The following KCNQ2 variants were observed in gnomAD, a reference collection of about 807,000 sequenced individuals.
KCNQ2 encodes the protein potassium voltage-gated channel subfamily KQT member 2.
KCNQ2 carries 14 observed loss-of-function variants against 84.8 expected under a neutral mutation model. The ratio of observed to expected loss-of-function variants is 0.17; its 90% CI spans 0.11 to 0.26. KCNQ2 has a LOEUF of 0.26. Among genes scored for constraint, KCNQ2 ranks in the 10% least tolerant of loss-of-function variants. The pLI is 1.00. For missense variants in KCNQ2, 788 were observed against 1,254.0 expected, an observed-to-expected ratio of 0.63 and a Z score of 5.61; for synonymous variants, 599 against 554.1, an observed-to-expected ratio of 1.08 and a Z score of -1.14.
chr20:63,429,090 C>A (rs1440680894), intron 9 of KCNQ2, among the ~76,000 whole-genome samples: 1 of 151,896 alleles, frequency 6.6e-6, no homozygotes, highest in Non-Finnish European at 1.5e-5. Flanking sequence ...GGACCAAGTC[C>A]GGGCCCGCCG....
chr20:63,465,311 C>T (rs2082052350), intron 1 of KCNQ2, among the ~76,000 whole-genome samples: 1 of 152,272 alleles, frequency 6.6e-6, no homozygotes, highest in Non-Finnish European at 1.5e-5. Context: ...CTCCCTCCTC[C>T]AGCTCTGTGG....
intron 15 of KCNQ2, chr20:63,412,070 A>C: frequency 1.8e-6 from 1 of 556,460 alleles, no homozygotes; most frequent in African/African-American, 2.0e-5. Context: ...CCCGTGTTTC[A>C]AGCAAAGCTT....
At chr20:63,433,594 G>C in intron 8 of KCNQ2, 1 of 857,334 alleles carries the variant, frequency 1.2e-6, no homozygotes, top group Non-Finnish European at 1.8e-6. Flanking sequence ...AAAGCAAAGG[G>C]GTGAGGAAAT....
chr20:63,423,958 C>T (rs2080551510), intron 11 of KCNQ2: 1 of 616,418 alleles, frequency 1.6e-6, no homozygotes, highest in South Asian at 2.0e-5. Flanking sequence ...CACAGTGCTG[C>T]AAAGTAAAAC....
Position 63,433,829 on chromosome 20 carries a change from C to T in KCNQ2, c.1098G>A (p.Thr366=), listed in dbSNP as rs758961686. Residue 366 remains threonine, a synonymous_variant, in exon 8 of 17, where the codon ACG becomes ACA. Transcript: ENST00000359125. The stretch of plus-strand genomic sequence containing the variant: ...GGTACCTGTACATGGGCACGGTGAC[C>T]GTTCGCTCGTAGTACTGCCACGTGG... The part of the protein sequence containing the change: ...LHSTWQYYER[T]VTVPMYSSQT... 19 of 1,613,828 alleles carry T rather than the reference C, an allele frequency of 1.2e-5. No individual in the cohort carries two copies. In the Admixed American group the frequency reaches 1.7e-4, roughly 14 times the overall value.
chr20:63,443,349 C>CATCATCACCACCATCACCAT (rs2081302979), intron 4 of KCNQ2, among the ~76,000 whole-genome samples: 5 of 24,184 alleles, frequency 2.1e-4, no homozygotes, highest in Admixed American at 4.1e-4. Context: ...ACCATCACCA[C>CATCATCACCACCATCACCAT]CACCACCACC....
intron 11 of KCNQ2, 50 bp from the exon 12 acceptor site, chr20:63,419,722 G>A (rs370863144): frequency 2.0e-4 from 300 of 1,536,500 alleles, no homozygotes; most frequent in Non-Finnish European, 2.6e-4. Flanking sequence ...AACAGCACAC[G>A]GCCGGGAGCA....
intron 12 of KCNQ2, among the ~76,000 whole-genome samples, chr20:63,417,469 G>A (rs1251648546): frequency 6.6e-6 from 1 of 152,250 alleles, no homozygotes; most frequent in African/African-American, 2.4e-5. Flanking sequence ...ACGGCAGCTG[G>A]CAAAGCACCG....
At chr20:63,410,933 C>T (rs2080102401) in intron 15 of KCNQ2, 2 of 444,204 alleles carry the variant, frequency 4.5e-6, no homozygotes, top group Non-Finnish European at 9.1e-6. Flanking sequence ...ATCAGACTTG[C>T]CAGAAGACAG....
At chr20:63,439,561 G>A (rs113859927) in intron 6 of KCNQ2, 37 bp downstream of exon 6, 13 of 1,485,922 alleles carry the variant, frequency 8.7e-6, no homozygotes, top group African/African-American at 6.9e-5. Flanking sequence ...ACAAGACCTC[G>A]TCCCCCTCCA....
rs867571468 is a variant in KCNQ2, at chr20:63,442,743, T to C, written c.691-212A>G. Among the ~76,000 whole-genome samples, 693 of 36,014 alleles carry C rather than the reference T, an allele frequency of 0.019. 33 individuals carry two copies. The highest frequency in any genetic ancestry group is 0.14 in the East Asian group (74 of 512). 23.6% of individuals were successfully genotyped at this position (36,014 alleles called of 152,430 possible). A position where few individuals can be genotyped will look rare whatever the true frequency, so the allele number is the denominator to read the frequency against. On this transcript the variant is annotated intron_variant, in intron 4 of 16. Transcript: ENST00000359125. ...ACCACCATCATCACCACCTCCACCATCACCACCATCACCATCACCACCATC... is the reference window on the plus strand; with the variant it reads ...ACCACCATCATCACCACCTCCACCACCACCACCATCACCATCACCACCATC...
chr20:63,430,983 G>A (rs2080771016), intron 9 of KCNQ2, among the ~76,000 whole-genome samples: 1 of 152,236 alleles, frequency 6.6e-6, no homozygotes, highest in Non-Finnish European at 1.5e-5. Context: ...CTGTGGGGTG[G>A]GGATGGAGGC....
chr20:63,420,374 A>G (rs1370963097), intron 11 of KCNQ2, among the ~76,000 whole-genome samples: 1 of 152,252 alleles, frequency 6.6e-6, no homozygotes, highest in Non-Finnish European at 1.5e-5. Context: ...CTGGCGATTT[A>G]GCTCTGCATC....
At chr20:63,457,255 G>A (rs191442722) in intron 1 of KCNQ2, among the ~76,000 whole-genome samples, 34 of 152,350 alleles carry the variant, frequency 2.2e-4, no homozygotes, top group Admixed American at 1.5e-3. Context: ...TGAGCACTGC[G>A]TGGCTTGTAC....
At chr20:63,411,882 C>T (rs767205923) in intron 15 of KCNQ2, 24 of 713,752 alleles carry the variant, frequency 3.4e-5, no homozygotes, top group Admixed American at 6.1e-5. Flanking sequence ...TCATATCTAT[C>T]CTGGCAGAGT....
Position 63,419,645 on chromosome 20 carries a change from CAG to C in KCNQ2, c.1273_1274del (p.Leu425ValfsTer9), listed in dbSNP as rs1568890288. The C allele has an allele frequency of 3.1e-6, 5 of 1,611,574 alleles. No homozygotes were observed. In the African/African-American group the frequency reaches 4.0e-5, roughly 13 times the overall value. ...PSKGSPCRGP[L>X]CGCCPGRSSQ... ...TAGAGCGTCCGGGGCAGCATCCACACAGGGGCCCTCTGCACGGGCTGCCTTTA... is the reference window on the plus strand; with the variant it reads ...TAGAGCGTCCGGGGCAGCATCCACACGGGCCCTCTGCACGGGCTGCCTTTA... On this transcript the variant is annotated frameshift_variant, in exon 12 of 17. Coordinates refer to ENST00000359125, the MANE Select transcript of KCNQ2 (RefSeq NM_172107.4). LOFTEE classifies it high-confidence loss of function.
rs1363176070 is a variant in KCNQ2, at chr20:63,407,478, A to C, written c.1888-103T>G. On this transcript the variant is annotated intron_variant, in intron 16 of 16. Transcript: ENST00000359125. The surrounding 1 kb of genome is among the most constrained non-coding windows in gnomAD (Gnocchi z 7.2). ...GGGGGGGCCCAGGCTGGTTCCAGGA[A>C]ACAGGAGAGACCCAGGCTAGTCCCA... is the stretch of plus-strand genomic sequence containing the variant. 1 of 1,265,120 alleles carries C rather than the reference A, an allele frequency of 7.9e-7. No homozygotes were observed. Among genetic ancestry groups the C allele is most frequent in the Non-Finnish European group, 1.1e-6 (1 of 910,162 alleles). The allele number at this position is 1,265,120 out of a possible 1,614,324, so 78.4% of individuals were successfully genotyped here.
At chr20:63,428,740 C>T (rs940580187) in intron 9 of KCNQ2, among the ~76,000 whole-genome samples, 10 of 152,148 alleles carry the variant, frequency 6.6e-5, no homozygotes, top group African/African-American at 2.4e-4. Context: ...CAGCCTGGAG[C>T]AGGTGGAGGA....
chr20:63,420,207 A>G (rs1047304697), intron 11 of KCNQ2, among the ~76,000 whole-genome samples: 3 of 152,210 alleles, frequency 2.0e-5, no homozygotes, highest in Non-Finnish European at 2.9e-5. Context: ...AGGCATGGCT[A>G]TCTGGGGGTT....
Sources: allele counts gnomAD v4.1 joint callset (sites outside exome capture counted in the v4.1 genomes callset), GRCh38; gene constraint gnomAD v4.1.1; non-coding constraint Gnocchi (gnomAD v3.1); transcripts MANE v1.5; gene names NCBI Gene and HGNC (gene_info 2026-07-23, HGNC 2026-07-21).